The following PLCXD3 variants were observed in gnomAD, a reference collection of about 807,000 sequenced individuals.
PLCXD3 encodes PI-PLC X domain-containing protein 3.
Under a neutral mutation model 25.5 loss-of-function variants are expected in PLCXD3, and 19 were observed. The ratio of observed to expected loss-of-function variants is 0.75; its 90% CI spans 0.52 to 1.09. The LOEUF is 1.09. PLCXD3 is among the 50% of genes least tolerant of loss of function. The pLI, the probability that PLCXD3 is intolerant of heterozygous loss-of-function variation, is 0.00. For synonymous variants in PLCXD3, 174 were observed against 137.6 expected (o/e 1.26, Z -1.85); for missense variants, 411 against 388.1 (o/e 1.06, Z -0.50).
intron 1 of PLCXD3, among the ~76,000 whole-genome samples, chr5:41,447,884 GT>G (rs1412015218): frequency 1.6e-4 from 24 of 152,200 alleles, no homozygotes; most frequent in African/African-American, 4.8e-4. Context: ...TCATCATCTG[GT>G]TACATGCTGT....
At chr5:41,372,607 CT>C (rs1745136888) in intron 2 of PLCXD3, among the ~76,000 whole-genome samples, 1 of 152,064 alleles carries the variant, frequency 6.6e-6, no homozygotes, top group Non-Finnish European at 1.5e-5. Context: ...ATAGGATGAA[CT>C]CCCTCCTCTG....
intron 2 of PLCXD3, among the ~76,000 whole-genome samples, chr5:41,370,332 A>T (rs762250545): frequency 1.9e-5 from 1 of 53,814 alleles, no homozygotes; most frequent in Non-Finnish European, 3.8e-5. Flanking sequence ...CAATTGATGC[A>T]TGCAGTATTT....
chr5:41,461,935 G>A (rs535697793), intron 1 of PLCXD3, among the ~76,000 whole-genome samples: 3 of 152,042 alleles, frequency 2.0e-5, no homozygotes, highest in African/African-American at 7.2e-5. Context: ...TACTCAACAA[G>A]CATGTGCCCT....
chr5:41,382,686 G>T (rs547592479), intron 1 of PLCXD3, 152 bp from the exon 2 acceptor site: 3 of 582,168 alleles, frequency 5.2e-6, no homozygotes, highest in African/African-American at 1.9e-5. Flanking sequence ...CCTTAGGAGG[G>T]TCCTTTATAT....
chr5:41,347,459 C>T (rs1423412095), intron 2 of PLCXD3, among the ~76,000 whole-genome samples: 1 of 152,226 alleles, frequency 6.6e-6, no homozygotes, highest in Non-Finnish European at 1.5e-5. Context: ...TGAAATCTCA[C>T]AGCACCTCAA....
chr5:41,452,364 T>A (rs1362868605), intron 1 of PLCXD3, among the ~76,000 whole-genome samples: 1 of 152,014 alleles, frequency 6.6e-6, no homozygotes, highest in South Asian at 2.1e-4. Flanking sequence ...TTTGAAGGAA[T>A]GTTTCAAAAG....
At chr5:41,508,425 G>A (rs537681713) in intron 1 of PLCXD3, among the ~76,000 whole-genome samples, 1 of 152,326 alleles carries the variant, frequency 6.6e-6, no homozygotes, top group East Asian at 1.9e-4. Flanking sequence ...GTCCAAGTAA[G>A]GGGTCAGATC....
intron 1 of PLCXD3, among the ~76,000 whole-genome samples, chr5:41,468,539 T>C (rs1748077582): frequency 6.6e-6 from 1 of 152,210 alleles, no homozygotes; most frequent in Admixed American, 6.5e-5. Context: ...CTTTGTCTTT[T>C]TCAATTACTT....
At chr5:41,450,888 T>C (rs910396313) in intron 1 of PLCXD3, among the ~76,000 whole-genome samples, 1 of 151,884 alleles carries the variant, frequency 6.6e-6, no homozygotes, top group Non-Finnish European at 1.5e-5. Flanking sequence ...GCAGCACAGA[T>C]AATGGGAATA....
At chr5:41,484,277 T>C (rs1748474044) in intron 1 of PLCXD3, among the ~76,000 whole-genome samples, 1 of 151,208 alleles carries the variant, frequency 6.6e-6, no homozygotes, top group Admixed American at 6.6e-5. Flanking sequence ...ACACACTAAC[T>C]GTATTCTAAA....
chr5:41,475,609 T>C (rs771476367), intron 1 of PLCXD3: 18 of 534,612 alleles, frequency 3.4e-5, no homozygotes, highest in Non-Finnish European at 6.9e-5. Context: ...CCTTCAGGTC[T>C]CTTCAGGTCT....
chr5:41,416,077 C>T (rs1260020708), intron 1 of PLCXD3, among the ~76,000 whole-genome samples: 2 of 152,116 alleles, frequency 1.3e-5, no homozygotes, highest in East Asian at 3.9e-4. Context: ...CAAACAAGCT[C>T]AAAGAGGGAG....
chr5:41,346,124 G>T (rs537128384), intron 2 of PLCXD3, among the ~76,000 whole-genome samples: 1 of 152,026 alleles, frequency 6.6e-6, no homozygotes, highest in African/African-American at 2.4e-5. Context: ...CAGGTGATCC[G>T]CCCGCCTCGG....
intron 2 of PLCXD3, among the ~76,000 whole-genome samples, chr5:41,372,466 T>A (rs979858171): frequency 6.6e-6 from 1 of 152,108 alleles, no homozygotes; most frequent in Admixed American, 6.6e-5. Context: ...TCTTCTTTAA[T>A]CTTACAACAT....
chr5:41,354,607 A>G (rs951035196), intron 2 of PLCXD3, among the ~76,000 whole-genome samples: 1 of 152,124 alleles, frequency 6.6e-6, no homozygotes, highest in Non-Finnish European at 1.5e-5. Flanking sequence ...GCCTCATTCA[A>G]TGACACACAT....
intron 1 of PLCXD3, among the ~76,000 whole-genome samples, chr5:41,482,500 A>G (rs1297702025): frequency 6.6e-6 from 1 of 152,220 alleles, no homozygotes; most frequent in African/African-American, 2.4e-5. Flanking sequence ...AGCACGAAGT[A>G]TAATACATTA....
chr5:41,489,953 C>T (rs1051097815), intron 1 of PLCXD3, among the ~76,000 whole-genome samples: 1 of 151,882 alleles, frequency 6.6e-6, no homozygotes, highest in Non-Finnish European at 1.5e-5. Flanking sequence ...TTGCCCTGGC[C>T]AGAACTTCCA....
chr5:41,339,705 G>C (rs937624647), intron 2 of PLCXD3, among the ~76,000 whole-genome samples: 1 of 152,074 alleles, frequency 6.6e-6, no homozygotes, highest in African/African-American at 2.4e-5. Context: ...TAACAACTTG[G>C]TATGGTTGTA....
intron 1 of PLCXD3, among the ~76,000 whole-genome samples, chr5:41,495,005 C>A (rs1327044695): frequency 1.3e-5 from 2 of 152,220 alleles, no homozygotes; most frequent in Non-Finnish European, 2.9e-5. Flanking sequence ...TCCTTTCTGT[C>A]ATGGAGACAC....
Sources: gnomAD v4.1 joint callset for allele counts (sites outside exome capture counted in the v4.1 genomes callset) on GRCh38, gnomAD v4.1.1 for gene constraint, MANE v1.5 for transcripts, NCBI Gene and HGNC (gene_info 2026-07-23, HGNC 2026-07-21) for gene names.